The following MYO1B variants were observed in gnomAD, a reference collection of about 807,000 sequenced individuals.
MYO1B encodes the protein myosin IB.
In MYO1B, 72 loss-of-function variants were observed where a neutral mutation model predicts 159.7. The observed-to-expected ratio is 0.45, with a 90% CI of 0.37 to 0.55. MYO1B has a LOEUF of 0.55. Among genes scored for constraint, MYO1B ranks in the 20% least tolerant of loss-of-function variants. The probability of loss-of-function intolerance (pLI) is 0.00; values close to 1 mark genes in which losing one functional copy is unlikely to be tolerated. For missense variants in MYO1B, 1,062 were observed against 1,364.8 expected, an observed-to-expected ratio of 0.78 and a Z score of 3.50; for synonymous variants, 468 against 473.8, an observed-to-expected ratio of 0.99 and a Z score of 0.16.
chr2:191,401,663 C>T (rs1010335421), intron 23 of MYO1B: 1 of 152,158 alleles, frequency 6.6e-6, no homozygotes. Flanking sequence ...ATGTTGTAAG[C>T]CTATCTTATG....
intron 18 of MYO1B, among the ~76,000 whole-genome samples, chr2:191,391,100 T>C (rs760399536): frequency 6.6e-6 from 1 of 152,224 alleles, no homozygotes; most frequent in Non-Finnish European, 1.5e-5. Context: ...CTGTGAGCTC[T>C]CCACAGGCAG....
At chr2:191,387,133 G>T (rs926613534) in intron 16 of MYO1B, 91 bp from the exon 17 acceptor site, 1 of 1,286,242 alleles carries the variant, frequency 7.8e-7, no homozygotes, top group Non-Finnish European at 1.1e-6. Flanking sequence ...GGAAGTGGCT[G>T]CAATGTAGAT....
intron 15 of MYO1B, among the ~76,000 whole-genome samples, chr2:191,384,185 G>A (rs913681818): frequency 2.0e-5 from 3 of 152,152 alleles, no homozygotes; most frequent in Non-Finnish European, 4.4e-5. Context: ...ATTAAATGTA[G>A]GAAGACTGAT....
intron 14 of MYO1B, among the ~76,000 whole-genome samples, chr2:191,382,294 A>T (rs1179657001): frequency 6.6e-6 from 1 of 152,074 alleles, no homozygotes. Flanking sequence ...GCCATTAAGG[A>T]CACTGAATTC....
intron 2 of MYO1B, among the ~76,000 whole-genome samples, chr2:191,282,962 C>G (rs1438157299): frequency 2.0e-5 from 3 of 152,194 alleles, no homozygotes; most frequent in Non-Finnish European, 4.4e-5. Flanking sequence ...ATTGTGTGTG[C>G]CTTCCAGAGT....
At chr2:191,254,740 C>T (rs540258175) in intron 1 of MYO1B, among the ~76,000 whole-genome samples, 4 of 152,238 alleles carry the variant, frequency 2.6e-5, no homozygotes, top group Admixed American at 2.0e-4. Flanking sequence ...AGTTCTCCTG[C>T]CTTGGTTTCC....
At chr2:191,399,063 A>G (rs1574610840) in intron 21 of MYO1B, among the ~76,000 whole-genome samples, 2 of 152,206 alleles carry the variant, frequency 1.3e-5, no homozygotes. Flanking sequence ...TAGGAGCTGG[A>G]GACCAGCCCG....
At chr2:191,389,519 A>T (rs2076710151) in intron 17 of MYO1B, among the ~76,000 whole-genome samples, 2 of 152,214 alleles carry the variant, frequency 1.3e-5, no homozygotes, top group Non-Finnish European at 2.9e-5. Flanking sequence ...ATTTGCAGCC[A>T]GCAGTAAGCT....
At chr2:191,354,962 C>A (rs1693176302) in intron 7 of MYO1B, among the ~76,000 whole-genome samples, 2 of 152,172 alleles carry the variant, frequency 1.3e-5, no homozygotes, top group Admixed American at 6.5e-5. Context: ...GTGTCGACAG[C>A]CTTGATTAAT....
At chr2:191,317,080 A>T (rs1012916669) in intron 3 of MYO1B, among the ~76,000 whole-genome samples, 5 of 152,092 alleles carry the variant, frequency 3.3e-5, no homozygotes, top group African/African-American at 1.2e-4. Flanking sequence ...GGGGACTGTG[A>T]TAGGTAGCTC....
intron 4 of MYO1B, among the ~76,000 whole-genome samples, chr2:191,338,969 A>G (rs35562914): frequency 0.34 from 51,306 of 152,036 alleles, 8,933 homozygotes; most frequent in South Asian, 0.5. Context: ...ATTACGATGG[A>G]TAGATAGGCC....
At chr2:191,313,223 T>TTTTTG (rs1690126095) in intron 3 of MYO1B, among the ~76,000 whole-genome samples, 1 of 80,338 alleles carries the variant, frequency 1.2e-5, no homozygotes, top group South Asian at 4.5e-4. Context: ...TTTTTTTTTT[T>TTTTTG]TTTTGAGACG....
chr2:191,356,958 G>A (rs1312189637), intron 7 of MYO1B, among the ~76,000 whole-genome samples: 4 of 152,216 alleles, frequency 2.6e-5, no homozygotes, highest in Non-Finnish European at 4.4e-5. Context: ...GTCAGTTTGA[G>A]TGATAGCCTT....
At chr2:191,408,775 C>A (rs1427988787) in intron 25 of MYO1B, among the ~76,000 whole-genome samples, 1 of 152,116 alleles carries the variant, frequency 6.6e-6, no homozygotes, top group Non-Finnish European at 1.5e-5. Flanking sequence ...GACAATACAG[C>A]TCTATAGAGC....
rs1317682145 is a variant in MYO1B, at chr2:191,251,525, G to C, written c.-10+5899G>C. Among the ~76,000 whole-genome samples the C allele has an allele frequency of 2.0e-5, 3 of 152,210 alleles. No homozygotes were observed. In the South Asian group the frequency reaches 6.2e-4, roughly 31 times the overall value. The stretch of plus-strand genomic sequence containing the variant: ...TTGATAGCTTAAGAGAGGCTTAAGA[G>C]GAAACCAAATCTCTGCCTTCCGGGG... On this transcript the variant is annotated intron_variant, in intron 1 of 30. Coordinates refer to ENST00000392318, the MANE Select transcript of MYO1B (RefSeq NM_001130158.3).
intron 21 of MYO1B, among the ~76,000 whole-genome samples, chr2:191,400,148 T>TCAGG (rs1452588454): frequency 3.3e-5 from 5 of 152,116 alleles, no homozygotes; most frequent in African/African-American, 1.2e-4. Flanking sequence ...CCATTGTGTA[T>TCAGG]CAGGGTACGG....
intron 27 of MYO1B, 32 bp from the exon 28 acceptor site, chr2:191,414,016 A>G: frequency 6.4e-7 from 1 of 1,564,924 alleles, no homozygotes; most frequent in Non-Finnish European, 8.6e-7. Context: ...ATTTGAAACT[A>G]TTTCTAATGT....
intron 2 of MYO1B, among the ~76,000 whole-genome samples, chr2:191,283,693 A>C (rs576349290): frequency 6.6e-6 from 1 of 152,248 alleles, no homozygotes; most frequent in Admixed American, 6.5e-5. Flanking sequence ...TGGAGCTGAA[A>C]CTCACACCCA....
chr2:191,391,813 A>T (rs992077216), intron 18 of MYO1B, among the ~76,000 whole-genome samples: 3 of 152,270 alleles, frequency 2.0e-5, no homozygotes, highest in African/African-American at 7.2e-5. Flanking sequence ...AGGTTGGTAC[A>T]TCATTATAGG....
Sources: allele counts gnomAD v4.1 joint callset (sites outside exome capture counted in the v4.1 genomes callset), GRCh38; gene constraint gnomAD v4.1.1; transcripts MANE v1.5; gene names NCBI Gene and HGNC (gene_info 2026-07-23, HGNC 2026-07-21).